The following PCDHA10 variants were observed in gnomAD, a reference collection of about 807,000 sequenced individuals.
PCDHA10 encodes the protein protocadherin alpha 10, also known as protocadherin alpha-10.
A neutral mutation model predicts 61.2 loss-of-function variants in PCDHA10; 45 were observed. The observed-to-expected ratio is 0.74, with a 90% CI of 0.58 to 0.94. The LOEUF (loss-of-function observed/expected upper bound fraction) is 0.94. Among genes scored for constraint, PCDHA10 ranks in the 40% least tolerant of loss-of-function variants. The pLI, the probability that PCDHA10 is intolerant of heterozygous loss-of-function variation, is 0.00. For missense variants in PCDHA10, 1,278 were observed against 1,236.2 expected (o/e 1.03, Z -0.51); for synonymous variants, 602 against 548.8 (o/e 1.10, Z -1.35).
intron 1 of PCDHA10, chr5:140,883,468 C>A: frequency 6.2e-7 from 1 of 1,614,164 alleles, no homozygotes; most frequent in South Asian, 1.1e-5. Context: ...TGGTGTCCAC[C>A]TACAAGAACT....
intron 1 of PCDHA10, among the ~76,000 whole-genome samples, chr5:140,972,633 T>G (rs1230723429): frequency 6.6e-6 from 1 of 151,644 alleles, no homozygotes; most frequent in Non-Finnish European, 1.5e-5. Context: ...TGGCACTCCC[T>G]TCAGAGTCTC....
At chr5:140,911,312 T>C (rs2075424091) in intron 1 of PCDHA10, among the ~76,000 whole-genome samples, 1 of 152,154 alleles carries the variant, frequency 6.6e-6, no homozygotes, top group African/African-American at 2.4e-5. Context: ...CCATTCCAAG[T>C]TTCAGGATCC....
At chr5:140,941,194 T>TTTCTTC (rs2092780236) in intron 1 of PCDHA10, among the ~76,000 whole-genome samples, 5 of 112,438 alleles carry the variant, frequency 4.4e-5, no homozygotes, top group African/African-American at 1.8e-4. Flanking sequence ...TCTTTTTTTT[T>TTTCTTC]CTTTCTTCCT....
chr5:140,913,448 G>A (rs185287281), intron 1 of PCDHA10, among the ~76,000 whole-genome samples: 8 of 152,012 alleles, frequency 5.3e-5, no homozygotes, highest in African/African-American at 1.2e-4. Flanking sequence ...TTTCAGCTCC[G>A]ATTTTATTTA....
intron 1 of PCDHA10, chr5:140,883,933 G>C: frequency 6.2e-7 from 1 of 1,613,398 alleles, no homozygotes; most frequent in Non-Finnish European, 8.5e-7. Flanking sequence ...AGGTGTTCGT[G>C]CTGGACGAGA....
At chr5:140,884,659 A>G in intron 1 of PCDHA10, 1 of 1,597,068 alleles carries the variant, frequency 6.3e-7, no homozygotes, top group Non-Finnish European at 8.5e-7. Flanking sequence ...AATGCTTGAA[A>G]GAGGTAAGCT....
At chr5:140,953,333 G>T (rs1164031991) in intron 1 of PCDHA10, among the ~76,000 whole-genome samples, 1 of 151,962 alleles carries the variant, frequency 6.6e-6, no homozygotes, top group East Asian at 1.9e-4. Flanking sequence ...TAGAATTTAG[G>T]GCTCACCTTC....
At chr5:140,994,325 A>G (rs879964488) in intron 3 of PCDHA10, among the ~76,000 whole-genome samples, 8 of 152,190 alleles carry the variant, frequency 5.3e-5, no homozygotes, top group African/African-American at 7.2e-5. Flanking sequence ...ACTCTCAGCA[A>G]CCATGAACAG....
intron 1 of PCDHA10, chr5:140,862,477 A>G (rs1227905551): frequency 2.6e-6 from 1 of 379,090 alleles, no homozygotes; most frequent in African/African-American, 2.1e-5. Context: ...AAATCTATCC[A>G]TTGTTGGTAA....
intron 1 of PCDHA10, chr5:140,968,708 A>G: frequency 1.2e-6 from 2 of 1,614,126 alleles, no homozygotes; most frequent in Non-Finnish European, 1.7e-6. Flanking sequence ...TACCAGGAAG[A>G]TGGGAGATGA....
intron 1 of PCDHA10, chr5:140,877,356 T>G (rs1227079705): frequency 9.9e-6 from 16 of 1,613,866 alleles, no homozygotes; most frequent in Non-Finnish European, 1.4e-5. Flanking sequence ...GGCTGTACAC[T>G]GGCGAGATCA....
chr5:140,951,220 C>G (rs1554219798), intron 1 of PCDHA10, among the ~76,000 whole-genome samples: 1 of 151,926 alleles, frequency 6.6e-6, no homozygotes, highest in Non-Finnish European at 1.5e-5. Context: ...GGTTTGGATT[C>G]TTGATGGTCT....
At chr5:140,864,277 T>A (rs1203382304) in intron 1 of PCDHA10, 6 of 152,228 alleles carry the variant, frequency 3.9e-5, no homozygotes, top group South Asian at 2.1e-4. Context: ...CTCCATTCCT[T>A]ATTGTTTTTA....
At chr5:140,941,331 T>G (rs1277354289) in intron 1 of PCDHA10, among the ~76,000 whole-genome samples, 1 of 148,120 alleles carries the variant, frequency 6.8e-6, no homozygotes. Context: ...TTTTTTTTTT[T>G]TTTCAGATGG....
intron 1 of PCDHA10, among the ~76,000 whole-genome samples, chr5:140,949,796 C>G (rs1471707326): frequency 6.6e-6 from 1 of 151,864 alleles, no homozygotes; most frequent in Non-Finnish European, 1.5e-5. Context: ...TTGTGTCCTT[C>G]AATACATTAT....
In PCDHA10 at chr5:140,903,730, A is replaced by G. The variant is rs2070542594; in HGVS notation, c.2388+45294A>G. Among the ~76,000 whole-genome samples, 4 of 152,350 alleles carry G rather than the reference A, an allele frequency of 2.6e-5. No homozygotes were observed. In the South Asian group the frequency reaches 8.3e-4, roughly 32 times the overall value. ...AAATATACAATTCTCCCTATTATCA[A>G]TTATTACAGAATGTTTCCCTTGATT... is the stretch of plus-strand genomic sequence containing the variant. On this transcript the variant is annotated intron_variant, in intron 1 of 3. Transcript: ENST00000307360.
rs781915766 is a variant in PCDHA10, at chr5:140,869,999, G to C, written c.2388+11563G>C. Reference sequence around the variant, plus strand: ...TTATTTACACTAGATCAAAATAATGGAGAAGTGAGGGTCAATGGAACTTTA... The same window carrying C: ...TTATTTACACTAGATCAAAATAATGCAGAAGTGAGGGTCAATGGAACTTTA... On this transcript the variant is annotated intron_variant, in intron 1 of 3. Coordinates refer to ENST00000307360, the MANE Select transcript of PCDHA10 (RefSeq NM_018901.4). The C allele has an allele frequency of 3.7e-6, 6 of 1,613,396 alleles. No individual in the cohort carries two copies. In the South Asian group the frequency reaches 6.6e-5, roughly 18 times the overall value.
chr5:140,961,445 C>T (rs772072156), intron 1 of PCDHA10, among the ~76,000 whole-genome samples: 1 of 152,214 alleles, frequency 6.6e-6, no homozygotes, highest in South Asian at 2.1e-4. Context: ...CCTAACTACA[C>T]TGTCTTGCAG....
intron 1 of PCDHA10, chr5:140,927,600 C>T (rs1179735453): frequency 1.9e-6 from 3 of 1,614,042 alleles, no homozygotes; most frequent in African/African-American, 1.3e-5. Flanking sequence ...TTGAGCGCTC[C>T]GTATACCGCA....
Sources: gnomAD v4.1 joint callset for allele counts (sites outside exome capture counted in the v4.1 genomes callset) on GRCh38, gnomAD v4.1.1 for gene constraint, MANE v1.5 for transcripts, NCBI Gene and HGNC (gene_info 2026-07-23, HGNC 2026-07-21) for gene names.